DBNDD1: variants seen among roughly 807,000 people sequenced by gnomAD.
DBNDD1 encodes the protein dysbindin domain containing 1, also known as dysbindin domain-containing protein 1.
Under a neutral mutation model 17.0 loss-of-function variants are expected in DBNDD1, and 14 were observed. The ratio of observed to expected loss-of-function variants is 0.82; its 90% CI spans 0.54 to 1.29. DBNDD1 has a LOEUF of 1.29. Ranked by LOEUF, DBNDD1 falls within the 50% of genes most tolerant of loss-of-function variation. The probability of loss-of-function intolerance (pLI) is 0.00; values close to 1 mark genes in which losing one functional copy is unlikely to be tolerated. For missense variants in DBNDD1, 221 were observed against 216.2 expected, an observed-to-expected ratio of 1.02 and a Z score of -0.14; for synonymous variants, 105 against 102.0, an observed-to-expected ratio of 1.03 and a Z score of -0.18.
At chr16:90,014,195 C>G (rs2035601095) in intron 1 of DBNDD1, among the ~76,000 whole-genome samples, 1 of 151,724 alleles carries the variant, frequency 6.6e-6, no homozygotes. Context: ...GGCGCGATCT[C>G]TGCTCACTGC....
At chr16:90,019,694 C>T (rs1226143203), upstream of DBNDD1, 4 of 566,734 alleles carry the variant, frequency 7.1e-6, no homozygotes, top group African/African-American at 2.0e-5. This position sits in a 1 kb window ranked among gnomAD's most constrained non-coding sequence, Gnocchi z 6.1. Context: ...CCCTCCCGAC[C>T]CCGGCCGGGC....
At chr16:90,006,742 T>G in intron 3 of DBNDD1, 1 of 514,956 alleles carries the variant, frequency 1.9e-6, no homozygotes. Context: ...AGTCACTGTA[T>G]AGTCTAGGCT....
chr16:90,013,151 G>A (rs2035583975), intron 1 of DBNDD1, among the ~76,000 whole-genome samples: 1 of 151,172 alleles, frequency 6.6e-6, no homozygotes, highest in South Asian at 2.1e-4. Flanking sequence ...CACCTGTGTG[G>A]CAGCTACTCG....
chr16:90,012,701 C>T (rs977469296), intron 1 of DBNDD1, among the ~76,000 whole-genome samples: 3 of 151,736 alleles, frequency 2.0e-5, no homozygotes, highest in Non-Finnish European at 4.4e-5. Context: ...TCAGGTGATC[C>T]GTCTGCCTCG....
intron 1 of DBNDD1, 91 bp from the exon 2 acceptor site, chr16:90,009,521 C>G: frequency 6.4e-7 from 1 of 1,559,740 alleles, no homozygotes; most frequent in Non-Finnish European, 8.7e-7. Context: ...TTGGCACATC[C>G]AGTCCTTTGA....
rs2035726223 is a variant in DBNDD1, at chr16:90,019,389, G to A, written c.-48C>T. 8.5e-7 allele frequency: 1 copy of A among 1,182,650 alleles called. No individual in the cohort carries two copies. Among genetic ancestry groups the A allele is most frequent in the South Asian group, 4.2e-5 (1 of 23,768 alleles). The allele number at this position is 1,182,650 out of a possible 1,614,324, so 73.3% of individuals were successfully genotyped here. ...GGCACGGGCGACGGCGGCGTCGCCT[G>A]GCCCGGGCGCCCCAACAGCTGCGGC... On this transcript the variant is annotated 5_prime_UTR_variant, in exon 1 of 4. Coordinates refer to ENST00000002501, the MANE Select transcript of DBNDD1 (RefSeq NM_001042610.3). This position sits in a 1 kb window ranked among gnomAD's most constrained non-coding sequence, Gnocchi z 6.1.
Position 90,006,484 on chromosome 16 carries a change from G to C in DBNDD1, c.328C>G (p.Pro110Ala). The C allele has an allele frequency of 8.1e-6, 13 of 1,598,304 alleles. No individual in the cohort carries two copies. The highest frequency in any genetic ancestry group is 1.1e-5 in the Non-Finnish European group (13 of 1,179,654). Residue 110 changes from proline to alanine, a missense_variant, in exon 4 of 4, where the codon CCG (proline) becomes GCG (alanine). Pro to Ala is a conservative substitution (Grantham distance 27). Transcript: ENST00000002501. ...LNTESPAGLH[P>A]LPRAGYLRSP... Reference sequence around the variant, plus strand: ...CGCAGGTAGCCGGCCCGGGGCAGCGGGTGCAGACCTAGGGGCATGCGGGAA... The same window carrying C: ...CGCAGGTAGCCGGCCCGGGGCAGCGCGTGCAGACCTAGGGGCATGCGGGAA...
intron 1 of DBNDD1, among the ~76,000 whole-genome samples, chr16:90,016,823 A>G (rs1470958327): frequency 6.6e-6 from 1 of 152,214 alleles, no homozygotes; most frequent in African/African-American, 2.4e-5. Context: ...ACACCACTGT[A>G]TGGACGGATG....
At chr16:90,009,731 G>A (rs1176238455) in intron 1 of DBNDD1, 2 of 627,062 alleles carry the variant, frequency 3.2e-6, no homozygotes, top group Non-Finnish European at 5.5e-6. Flanking sequence ...AGGCGTGGAA[G>A]TCCCACCAGG....
At position 90,009,171 on chromosome 16, in the gene DBNDD1, C is replaced by T. The variant is rs541423377; in HGVS notation, c.178+113G>A. 97 of 1,469,070 alleles carry T rather than the reference C, an allele frequency of 6.6e-5. No homozygotes were observed. The Admixed American group carries it at 1.4e-3, about 21-fold the overall frequency. 91.0% of individuals were successfully genotyped at this position (1,469,070 alleles called of 1,614,324 possible). ...GCTGCAAGAGCCTAGCACACAGCGC[C>T]GGACCTAGACCCCCCAGGGAGTGTT... On this transcript the variant is annotated intron_variant, in intron 2 of 3. Coordinates refer to ENST00000002501, the MANE Select transcript of DBNDD1 (RefSeq NM_001042610.3).
Position 90,006,294 on chromosome 16 carries a change from C to G in DBNDD1, c.*41G>C, listed in dbSNP as rs116502202. 19 of 1,572,284 alleles carry G rather than the reference C, an allele frequency of 1.2e-5. No individual in the cohort carries two copies. Among genetic ancestry groups the G allele is most frequent in the Non-Finnish European group, 7.8e-6 (9 of 1,158,772 alleles). On this transcript the variant is annotated 3_prime_UTR_variant, in exon 4 of 4. Coordinates refer to ENST00000002501, the MANE Select transcript of DBNDD1 (RefSeq NM_001042610.3). ...CACTGCCCAGATCTGCCATCGTGTT[C>G]GGACCCCATCCCTGCAGGAGCTGGG...
At position 90,009,335 on chromosome 16, in the gene DBNDD1, C is replaced by G; in HGVS notation, c.127G>C (p.Gly43Arg). The part of the protein sequence containing the change: ...NGHTPVEEEV[G>R]GIPVPAPGLL... Reference sequence around the variant, plus strand: ...CCCGGTGCTGGTACTGGGATGCCCCCGACCTCCTCCTCCACAGGCGTGTGG... The same window carrying G: ...CCCGGTGCTGGTACTGGGATGCCCCGGACCTCCTCCTCCACAGGCGTGTGG... Residue 43 changes from glycine (G) to arginine (R), a missense_variant, in exon 2 of 4, where the codon GGG (glycine) becomes CGG (arginine). By Grantham distance (125) the Gly-to-Arg change is moderately radical. Coordinates refer to ENST00000002501, the MANE Select transcript of DBNDD1 (RefSeq NM_001042610.3). 1 of 1,613,574 alleles carries G rather than the reference C, an allele frequency of 6.2e-7. No homozygotes were observed. Among genetic ancestry groups the G allele is most frequent in the Non-Finnish European group, 8.5e-7 (1 of 1,180,012 alleles).
chr16:90,014,327 C>T (rs752858474), intron 1 of DBNDD1, among the ~76,000 whole-genome samples: 3 of 151,912 alleles, frequency 2.0e-5, no homozygotes, highest in African/African-American at 4.8e-5. Flanking sequence ...GGGTTTCTCC[C>T]TGTTGGCCAG....
At chr16:90,013,761 G>A (rs2035594269) in intron 1 of DBNDD1, among the ~76,000 whole-genome samples, 1 of 152,172 alleles carries the variant, frequency 6.6e-6, no homozygotes, top group African/African-American at 2.4e-5. Flanking sequence ...TCTGTTCTGG[G>A]GACATGGCAT....
rs768896626 is a variant in DBNDD1 at position 90,010,095 on chromosome 16, G to C, written c.32-665C>G. ...GAGTCTCGCTCTGTCACCCAGGCTGGAGTGCAGTGGTGCAATCTCGGCTCA... is the reference window on the plus strand; with the variant it reads ...GAGTCTCGCTCTGTCACCCAGGCTGCAGTGCAGTGGTGCAATCTCGGCTCA... On this transcript the variant is annotated intron_variant, in intron 1 of 3. Transcript: ENST00000002501. 3.8e-6 allele frequency: 6 copies of C among 1,583,668 alleles called. No individual in the cohort carries two copies. In the South Asian group the frequency reaches 5.5e-5, roughly 15 times the overall value.
chr16:90,010,604 T>C (rs1246468484), intron 1 of DBNDD1, among the ~76,000 whole-genome samples: 1 of 150,522 alleles, frequency 6.6e-6, no homozygotes, highest in South Asian at 2.1e-4. Context: ...GCTGAGATTA[T>C]AGGCATGAGC....
intron 1 of DBNDD1, among the ~76,000 whole-genome samples, chr16:90,017,878 G>T (rs951847921): frequency 6.6e-6 from 1 of 152,242 alleles, no homozygotes; most frequent in African/African-American, 2.4e-5. Flanking sequence ...GCTGCGACCT[G>T]TAGGTAAATA....
At chr16:90,008,727 C>G in intron 3 of DBNDD1, 57 bp downstream of exon 3, 1 of 1,551,062 alleles carries the variant, frequency 6.4e-7, no homozygotes, top group South Asian at 1.2e-5. Context: ...CAGGACTTCC[C>G]AAGGGGCCTC....
At chr16:90,018,461 T>G (rs2035686456) in intron 1 of DBNDD1, among the ~76,000 whole-genome samples, 1 of 152,226 alleles carries the variant, frequency 6.6e-6, no homozygotes, top group Admixed American at 6.5e-5. Flanking sequence ...CTGGCCTGCC[T>G]GTGCCCTCAG....
Sources: allele counts gnomAD v4.1 joint callset (sites outside exome capture counted in the v4.1 genomes callset), GRCh38; gene constraint gnomAD v4.1.1; non-coding constraint Gnocchi (gnomAD v3.1); transcripts MANE v1.5; gene names NCBI Gene and HGNC (gene_info 2026-07-23, HGNC 2026-07-21).